TANC2: variants seen among roughly 807,000 people sequenced by gnomAD.
TANC2 encodes protein TANC2.
Under a neutral mutation model 210.5 loss-of-function variants are expected in TANC2, and 26 were observed. That is an observed-to-expected ratio of 0.12 (90% CI 0.09 to 0.17). The LOEUF (loss-of-function observed/expected upper bound fraction) is 0.17, where lower values mean the gene tolerates loss of function less well. TANC2 is among the 10% of genes least tolerant of loss of function. The probability of loss-of-function intolerance (pLI) is 1.00; values close to 1 mark genes in which losing one functional copy is unlikely to be tolerated. For synonymous variants in TANC2, 931 were observed against 967.1 expected (o/e 0.96, Z 0.69); for missense variants, 2,129 against 2,608.9 (o/e 0.82, Z 4.01).
chr17:63,095,655 A>C (rs983526543), intron 3 of TANC2, among the ~76,000 whole-genome samples: 4 of 151,996 alleles, frequency 2.6e-5, no homozygotes, highest in Non-Finnish European at 5.9e-5. Flanking sequence ...ATCATGCCCA[A>C]CCTAGATCAG....
At chr17:63,005,757 TATC>T (rs2033593931) in intron 1 of TANC2, among the ~76,000 whole-genome samples, 1 of 152,152 alleles carries the variant, frequency 6.6e-6, no homozygotes, top group Non-Finnish European at 1.5e-5. Flanking sequence ...TTGGGATTAA[TATC>T]ATGCAATACT....
chr17:63,239,354 TG>T lies in TANC2; in HGVS notation c.1033+1278del, dbSNP rs570114017. Among the ~76,000 whole-genome samples, 844 of 152,310 alleles carry T rather than the reference TG, an allele frequency of 5.5e-3. 10 individuals carry two copies. The highest frequency in any genetic ancestry group is 0.02 in the African/African-American group (811 of 41,566). ...TCAAAATATGTCATCATCTGGACTTTGTCCAGACTATAAAATCAAAGTTATG... is the reference window on the plus strand; with the variant it reads ...TCAAAATATGTCATCATCTGGACTTTTCCAGACTATAAAATCAAAGTTATG... On this transcript the variant is annotated intron_variant, in intron 8 of 27. Transcript: ENST00000689528.
chr17:63,151,453 T>C, intron 5 of TANC2, 73 bp downstream of exon 5: 1 of 685,118 alleles, frequency 1.5e-6, no homozygotes, highest in Non-Finnish European at 1.8e-6. Context: ...GAGCAGTGTT[T>C]TGCATGTATA....
At chr17:63,257,477 C>T (rs897119968) in intron 8 of TANC2, among the ~76,000 whole-genome samples, 4 of 152,082 alleles carry the variant, frequency 2.6e-5, no homozygotes, top group Admixed American at 2.6e-4. Context: ...CCCACCTCAG[C>T]CTCTCTAGTA....
intron 5 of TANC2, among the ~76,000 whole-genome samples, chr17:63,188,504 A>G (rs1056633171): frequency 1.4e-4 from 21 of 151,270 alleles, no homozygotes; most frequent in Admixed American, 1.4e-3. Context: ...GAGGCAGGAG[A>G]ATTGCTTAAA....
At chr17:63,123,516 G>A (rs1293141757) in intron 4 of TANC2, among the ~76,000 whole-genome samples, 7 of 148,870 alleles carry the variant, frequency 4.7e-5, no homozygotes, top group Non-Finnish European at 5.9e-5. Context: ...CCGAGATTGC[G>A]CCACTGCACT....
intron 17 of TANC2, chr17:63,390,348 C>T (rs2047926878): frequency 6.6e-6 from 1 of 152,190 alleles, no homozygotes; most frequent in South Asian, 2.1e-4. Context: ...GGGACTCCTC[C>T]ACTCCTTTGG....
intron 9 of TANC2, among the ~76,000 whole-genome samples, chr17:63,310,559 A>G (rs1414422177): frequency 2.0e-5 from 3 of 152,252 alleles, no homozygotes; most frequent in Non-Finnish European, 4.4e-5. Context: ...TAATGTCCTC[A>G]GGGTTAAAAA....
intron 9 of TANC2, among the ~76,000 whole-genome samples, chr17:63,312,964 C>T (rs1191012104): frequency 1.3e-5 from 2 of 152,120 alleles, no homozygotes; most frequent in East Asian, 3.9e-4. Flanking sequence ...ATTCTAGTGG[C>T]TTTCAGGCAG....
chr17:63,420,517 G>A lies in TANC2; in HGVS notation c.4787G>A (p.Gly1596Glu). Residue 1596 changes from glycine (G) to glutamate (E), a missense_variant, in exon 28 of 28, where the codon GGA (glycine) becomes GAA (glutamate). Gly to Glu is a moderately conservative substitution (Grantham distance 98, BLOSUM62 -2). Coordinates refer to ENST00000689528, the Ensembl canonical transcript of TANC2. This position sits in a 1 kb window ranked among gnomAD's most constrained non-coding sequence, Gnocchi z 4.2. ...CACACTTCCCCGGCTCATCAGGGAG[G>A]ATCTTACCGTTTCAGCCCCCCTCCT... 1 of 1,613,888 alleles carries A rather than the reference G, an allele frequency of 6.2e-7. No homozygotes were observed. Among genetic ancestry groups the A allele is most frequent in the South Asian group, 1.1e-5 (1 of 91,074 alleles).
At chr17:63,176,434 A>G (rs1007151950) in intron 5 of TANC2, among the ~76,000 whole-genome samples, 2 of 152,222 alleles carry the variant, frequency 1.3e-5, no homozygotes, top group Non-Finnish European at 2.9e-5. Flanking sequence ...ACTAGAATAC[A>G]TACTGTTTAA....
intron 4 of TANC2, among the ~76,000 whole-genome samples, chr17:63,131,901 A>AT (rs1440515448): frequency 6.6e-6 from 1 of 152,198 alleles, no homozygotes; most frequent in Non-Finnish European, 1.5e-5. Flanking sequence ...CCTCAATAGG[A>AT]TTTTGAGATT....
intron 3 of TANC2, among the ~76,000 whole-genome samples, chr17:63,085,379 T>G (rs969803721): frequency 2.0e-5 from 3 of 152,190 alleles, no homozygotes; most frequent in African/African-American, 7.2e-5. Context: ...TTTGTTGCCC[T>G]TCACAGTTTC....
intron 5 of TANC2, among the ~76,000 whole-genome samples, chr17:63,163,902 T>C (rs1177093348): frequency 6.6e-6 from 1 of 152,196 alleles, no homozygotes; most frequent in East Asian, 1.9e-4. Flanking sequence ...GTAATACATG[T>C]TTGTTTTTTG....
At chr17:63,371,462 G>A (rs187581182) in intron 14 of TANC2, among the ~76,000 whole-genome samples, 2 of 144,074 alleles carry the variant, frequency 1.4e-5, no homozygotes, top group South Asian at 2.2e-4. Context: ...GCAAAATTCC[G>A]TCTCAAAAAA....
intron 1 of TANC2, among the ~76,000 whole-genome samples, chr17:62,986,082 A>T (rs950146378): frequency 4.6e-5 from 7 of 152,202 alleles, no homozygotes; most frequent in African/African-American, 1.7e-4. Flanking sequence ...ATTTCTGGGC[A>T]GATGCTGTAG....
At chr17:63,265,928 A>G (rs2043512258) in intron 8 of TANC2, among the ~76,000 whole-genome samples, 2 of 152,160 alleles carry the variant, frequency 1.3e-5, no homozygotes, top group South Asian at 4.1e-4. Context: ...TTTTCACCTT[A>G]GTAATAAACT....
chr17:62,996,821 G>GT lies in TANC2; in HGVS notation c.-23-12707dup, dbSNP rs902931830. On this transcript the variant is annotated intron_variant, in intron 1 of 27. Transcript: ENST00000689528. ...ACTAAATTTTCTTTTCTTTTTCTTT[G>GT]TTTTTTTTTGAGATGGAGTTCCGCT... Among the ~76,000 whole-genome samples, 68 of 144,936 alleles carry GT rather than the reference G, an allele frequency of 4.7e-4. 1 individual carries two copies. In the South Asian group the frequency reaches 8.6e-3, roughly 18 times the overall value.
chr17:63,369,550 CA>C (rs1354140280), intron 14 of TANC2, among the ~76,000 whole-genome samples: 1 of 147,722 alleles, frequency 6.8e-6, no homozygotes. Flanking sequence ...ATAATAATTT[CA>C]GCTTTTTTTT....
Sources: gnomAD v4.1 joint callset for allele counts (sites outside exome capture counted in the v4.1 genomes callset) on GRCh38, gnomAD v4.1.1 for gene constraint, Gnocchi (gnomAD v3.1) non-coding constraint, MANE v1.5 for transcripts, NCBI Gene and HGNC (gene_info 2026-07-23, HGNC 2026-07-21) for gene names.